The following TMEM132D variants were observed in gnomAD, a reference collection of about 807,000 sequenced individuals.
TMEM132D encodes transmembrane protein 132D.
In TMEM132D, 21 loss-of-function variants were observed where a neutral mutation model predicts 62.3. That is an observed-to-expected ratio of 0.34 (90% confidence interval 0.24 to 0.49). TMEM132D has a LOEUF of 0.49. Ranked by LOEUF, TMEM132D falls within the 20% of genes least tolerant of loss-of-function variation. The pLI is 0.99. For synonymous variants in TMEM132D, 621 were observed against 575.6 expected, an observed-to-expected ratio of 1.08 and a Z score of -1.13; for missense variants, 1,346 against 1,402.8, an observed-to-expected ratio of 0.96 and a Z score of 0.65.
chr12:129,652,637 G>A (rs1879960668), intron 2 of TMEM132D, among the ~76,000 whole-genome samples: 1 of 152,194 alleles, frequency 6.6e-6, no homozygotes, highest in African/African-American at 2.4e-5. Context: ...GCCTCTAGTT[G>A]CTGGAGTGGC....
chr12:129,706,470 T>C (rs993513648), intron 1 of TMEM132D, among the ~76,000 whole-genome samples: 2 of 152,010 alleles, frequency 1.3e-5, no homozygotes, highest in African/African-American at 2.4e-5. Context: ...TGCAAGTATA[T>C]ACAGCCCCCA....
At chr12:129,747,502 TCAGA>T (rs907805311) in intron 1 of TMEM132D, among the ~76,000 whole-genome samples, 2 of 140,048 alleles carry the variant, frequency 1.4e-5, no homozygotes, top group African/African-American at 2.7e-5. Flanking sequence ...TCACACACAC[TCAGA>T]CACACACACA....
At chr12:129,467,810 G>A (rs2137044887) in intron 3 of TMEM132D, among the ~76,000 whole-genome samples, 1 of 152,306 alleles carries the variant, frequency 6.6e-6, no homozygotes, top group South Asian at 2.1e-4. Context: ...GGCCCTGATT[G>A]CTAGGCAGCA....
chr12:129,506,277 T>C (rs1875327943), intron 3 of TMEM132D, among the ~76,000 whole-genome samples: 1 of 152,178 alleles, frequency 6.6e-6, no homozygotes, highest in African/African-American at 2.4e-5. Flanking sequence ...AAAATAACCA[T>C]ATTGCCAAAA....
intron 1 of TMEM132D, among the ~76,000 whole-genome samples, chr12:129,842,105 T>A (rs1248073505): frequency 2.7e-4 from 39 of 144,560 alleles, no homozygotes; most frequent in Non-Finnish European, 4.9e-4. Context: ...TAATTTTTTT[T>A]TTTTTTTTTT....
chr12:129,280,000 G>A (rs1881097235), intron 4 of TMEM132D, among the ~76,000 whole-genome samples: 1 of 152,158 alleles, frequency 6.6e-6, no homozygotes, highest in African/African-American at 2.4e-5. Context: ...AGGAATGGCA[G>A]CGTAAATGAA....
intron 1 of TMEM132D, among the ~76,000 whole-genome samples, chr12:129,877,897 A>G (rs1874479308): frequency 6.6e-6 from 1 of 152,228 alleles, no homozygotes; most frequent in African/African-American, 2.4e-5. Context: ...CAGAATCTAT[A>G]TTATAGACTG....
chr12:129,234,771 T>C (rs1462458913), intron 4 of TMEM132D, among the ~76,000 whole-genome samples: 3 of 152,202 alleles, frequency 2.0e-5, no homozygotes, highest in Non-Finnish European at 4.4e-5. Context: ...TAAGTACTAT[T>C]ATTGTGGGAG....
At position 129,430,114 on chromosome 12, in the gene TMEM132D, G is replaced by A. The variant is rs1454774889; in HGVS notation, c.1116-92297C>T. ...TATATACCCAGTAATGGGATGGCTG[G>A]GTCAAACGGTATTTCTAGTTCTAGA... On this transcript the variant is annotated intron_variant, in intron 3 of 8. Transcript: ENST00000422113. 3.3e-5 allele frequency among the ~76,000 whole-genome samples: 5 copies of A among 152,072 alleles called. No homozygotes were observed. The East Asian group carries it at 9.6e-4, about 29-fold the overall frequency.
chr12:129,896,948 G>T (rs889801702), intron 1 of TMEM132D, among the ~76,000 whole-genome samples: 1 of 152,096 alleles, frequency 6.6e-6, no homozygotes, highest in African/African-American at 2.4e-5. Context: ...GCATGCCACA[G>T]GTTTGTTTAC....
intron 5 of TMEM132D, among the ~76,000 whole-genome samples, chr12:129,104,810 C>A (rs1325077692): frequency 6.8e-6 from 1 of 146,612 alleles, no homozygotes; most frequent in Non-Finnish European, 1.5e-5. Flanking sequence ...CATCACTGGC[C>A]ATCAGAGAAA....
chr12:129,614,076 T>G (rs1593089291), intron 2 of TMEM132D, among the ~76,000 whole-genome samples: 1 of 137,608 alleles, frequency 7.3e-6, no homozygotes, highest in Non-Finnish European at 1.7e-5. Context: ...AGGGACTGTC[T>G]CCAGGACCCA....
intron 4 of TMEM132D, among the ~76,000 whole-genome samples, chr12:129,312,552 GT>G (rs1002848846): frequency 3.3e-5 from 5 of 151,988 alleles, no homozygotes; most frequent in Non-Finnish European, 5.9e-5. Context: ...TTTTAGAATA[GT>G]TTTTTTTGTT....
chr12:129,591,517 T>C (rs1593079177), intron 2 of TMEM132D, among the ~76,000 whole-genome samples: 1 of 146,082 alleles, frequency 6.8e-6, no homozygotes, highest in Non-Finnish European at 1.5e-5. Flanking sequence ...TCAATCAGCA[T>C]TTTGAGTGAA....
chr12:129,833,181 G>A (rs763375856), intron 1 of TMEM132D, among the ~76,000 whole-genome samples: 7 of 152,196 alleles, frequency 4.6e-5, no homozygotes, highest in Non-Finnish European at 7.3e-5. Flanking sequence ...AATTGTCCTC[G>A]CATTGATGTG....
At chr12:129,429,462 C>T (rs1238859541) in intron 3 of TMEM132D, among the ~76,000 whole-genome samples, 2 of 152,128 alleles carry the variant, frequency 1.3e-5, no homozygotes, top group Non-Finnish European at 2.9e-5. Flanking sequence ...GAAGAGGCCC[C>T]CCCAGGGAGC....
chr12:129,466,994 A>C (rs1462029253), intron 3 of TMEM132D, among the ~76,000 whole-genome samples: 3 of 152,204 alleles, frequency 2.0e-5, no homozygotes, highest in Non-Finnish European at 4.4e-5. Context: ...ATAGTCCTTA[A>C]AAGGCAGGAA....
At chr12:129,387,210 C>T (rs1871130642) in intron 3 of TMEM132D, among the ~76,000 whole-genome samples, 1 of 120,856 alleles carries the variant, frequency 8.3e-6, no homozygotes, top group Admixed American at 7.5e-5. Context: ...AACAATAATA[C>T]CAACACTAAC....
chr12:129,667,119 CAT>C (rs1330165138), intron 2 of TMEM132D, among the ~76,000 whole-genome samples: 2 of 152,112 alleles, frequency 1.3e-5, no homozygotes, highest in Non-Finnish European at 2.9e-5. Context: ...AATCTGGGCC[CAT>C]GTCCGAATAA....
Sources: gnomAD v4.1 joint callset for allele counts (sites outside exome capture counted in the v4.1 genomes callset) on GRCh38, gnomAD v4.1.1 for gene constraint, MANE v1.5 for transcripts, NCBI Gene and HGNC (gene_info 2026-07-23, HGNC 2026-07-21) for gene names.